The following PPP4R2 variants were observed in gnomAD, a reference collection of about 807,000 sequenced individuals.
PPP4R2 encodes protein phosphatase 4 regulatory subunit 2.
In PPP4R2, 13 loss-of-function variants were observed where a neutral mutation model predicts 47.2. The ratio of observed to expected loss-of-function variants is 0.28; its 90% confidence interval spans 0.18 to 0.44. The LOEUF is 0.44. Ranked by LOEUF, PPP4R2 falls within the 20% of genes least tolerant of loss-of-function variation. PPP4R2 has a pLI of 1.00. For missense variants in PPP4R2, 421 were observed against 491.2 expected, an observed-to-expected ratio of 0.86 and a Z score of 1.35; for synonymous variants, 151 against 163.3, an observed-to-expected ratio of 0.92 and a Z score of 0.57.
intron 2 of PPP4R2, among the ~76,000 whole-genome samples, chr3:73,018,190 A>C (rs557449398): frequency 6.6e-6 from 1 of 152,234 alleles, no homozygotes; most frequent in African/African-American, 2.4e-5. Context: ...ACCCTTACAC[A>C]ACACAGGTTT....
At chr3:73,010,224 TTTG>T (rs1307536597) in intron 2 of PPP4R2, among the ~76,000 whole-genome samples, 2 of 149,470 alleles carry the variant, frequency 1.3e-5, no homozygotes, top group Non-Finnish European at 3.0e-5. Flanking sequence ...AGAAAACTTT[TTTG>T]TTTTGTTTTT....
At chr3:72,998,760 C>T (rs559794504) in intron 2 of PPP4R2, among the ~76,000 whole-genome samples, 25 of 152,146 alleles carry the variant, frequency 1.6e-4, no homozygotes, top group South Asian at 4.2e-4. Context: ...CTGAAACTTA[C>T]GCTATAAAGT....
At chr3:73,004,883 TTGTG>T (rs1286817138) in intron 2 of PPP4R2, among the ~76,000 whole-genome samples, 2 of 125,838 alleles carry the variant, frequency 1.6e-5, no homozygotes, top group Non-Finnish European at 3.3e-5. Flanking sequence ...GTTTGTTTGT[TTGTG>T]TGTGTGTGTT....
chr3:73,050,776 GTTT>G (rs1702595114), intron 3 of PPP4R2, among the ~76,000 whole-genome samples: 1 of 152,018 alleles, frequency 6.6e-6, no homozygotes, highest in African/African-American at 2.4e-5. Context: ...TGAATAATAG[GTTT>G]TTATTTGCCT....
chr3:73,003,430 C>A lies in PPP4R2; in HGVS notation c.116+5272C>A, dbSNP rs915290735. ...GTTTCGCTGTGTTGAACAGGCTGTT[C>A]TCGAACTCCTGGCCTCAAGTGATCC... On this transcript the variant is annotated intron_variant, in intron 2 of 8. Coordinates refer to ENST00000356692, the MANE Select transcript of PPP4R2 (RefSeq NM_174907.4). Among the ~76,000 whole-genome samples, 31 of 152,042 alleles carry A rather than the reference C, an allele frequency of 2.0e-4. 1 individual carries two copies. Among genetic ancestry groups the A allele is most frequent in the African/African-American group, 9.7e-5 (4 of 41,404 alleles).
chr3:73,047,948 C>T (rs1367997621), intron 3 of PPP4R2, among the ~76,000 whole-genome samples: 3 of 152,216 alleles, frequency 2.0e-5, no homozygotes, highest in African/African-American at 7.2e-5. Context: ...GTGATCTTGG[C>T]TCGCTGCAGT....
At chr3:73,025,213 A>G (rs1318689599) in intron 2 of PPP4R2, among the ~76,000 whole-genome samples, 1 of 152,190 alleles carries the variant, frequency 6.6e-6, no homozygotes, top group Non-Finnish European at 1.5e-5. Flanking sequence ...ATATATGTGT[A>G]TACAGTACCT....
intron 2 of PPP4R2, among the ~76,000 whole-genome samples, 164 bp downstream of exon 2, chr3:72,998,322 GCTTA>G (rs532976757): frequency 4.4e-4 from 67 of 152,168 alleles, no homozygotes; most frequent in African/African-American, 9.6e-4. Flanking sequence ...GAACGTATAC[GCTTA>G]CTTACTTTAT....
chr3:73,031,733 T>C (rs1347938323), intron 2 of PPP4R2, among the ~76,000 whole-genome samples: 1 of 152,174 alleles, frequency 6.6e-6, no homozygotes, highest in Non-Finnish European at 1.5e-5. Flanking sequence ...TACTGTGGTC[T>C]AACACAGGTC....
At chr3:73,049,574 C>T (rs1166477052) in intron 3 of PPP4R2, among the ~76,000 whole-genome samples, 7 of 151,946 alleles carry the variant, frequency 4.6e-5, no homozygotes, top group African/African-American at 1.2e-4. Context: ...CATAGTGAGT[C>T]GTCTTTTATT....
chr3:73,020,675 A>AAAAG, intron 2 of PPP4R2, among the ~76,000 whole-genome samples: 1 of 149,994 alleles, frequency 6.7e-6, no homozygotes, highest in Non-Finnish European at 1.5e-5. Flanking sequence ...GTCTCTTTAA[A>AAAAG]AAAAAAAAAA....
chr3:73,066,239 C>CATATATATATATATATAT lies in PPP4R2; in HGVS notation c.*523_*540dup, dbSNP rs148662984. ...TGGAACTTTAAGTCATATATACATACATATATATATATATATATATATAAT... is the reference window on the plus strand; with the variant it reads ...TGGAACTTTAAGTCATATATACATACATATATATATATATATATATATATATATATATATATATATAAT... On this transcript the variant is annotated 3_prime_UTR_variant, in exon 9 of 9. Coordinates refer to ENST00000356692, the MANE Select transcript of PPP4R2 (RefSeq NM_174907.4). 117 of 134,098 alleles carry CATATATATATATATATAT rather than the reference C, an allele frequency of 8.7e-4. No individual in the cohort carries two copies. The highest frequency in any genetic ancestry group is 1.7e-3 in the South Asian group (7 of 4,084). 8.3% of individuals were successfully genotyped at this position (134,098 alleles called of 1,614,324 possible).
At chr3:73,009,015 C>T (rs1370827923) in intron 2 of PPP4R2, among the ~76,000 whole-genome samples, 1 of 152,162 alleles carries the variant, frequency 6.6e-6, no homozygotes, top group Non-Finnish European at 1.5e-5. Flanking sequence ...GTGCTTAATG[C>T]AGCGACAGGC....
chr3:73,062,164 C>G (rs773180356), intron 5 of PPP4R2: 1 of 1,550,672 alleles, frequency 6.4e-7, no homozygotes, highest in Non-Finnish European at 8.7e-7. Flanking sequence ...TACAAAAGAT[C>G]TTTTAGACCT....
At chr3:73,040,290 C>T (rs1702350725) in intron 2 of PPP4R2, among the ~76,000 whole-genome samples, 1 of 152,090 alleles carries the variant, frequency 6.6e-6, no homozygotes, top group Non-Finnish European at 1.5e-5. Context: ...TTACTGATGA[C>T]ACTACAAAGT....
chr3:73,047,449 T>TG (rs1702507665), intron 3 of PPP4R2, 93 bp downstream of exon 3: 94 of 739,974 alleles, frequency 1.3e-4, no homozygotes, highest in Non-Finnish European at 1.7e-4. Flanking sequence ...GATGATTGAT[T>TG]ATCCATTAGA....
chr3:73,018,472 G>A (rs932934162), intron 2 of PPP4R2, among the ~76,000 whole-genome samples: 1 of 77,220 alleles, frequency 1.3e-5, no homozygotes, highest in Non-Finnish European at 2.9e-5. Context: ...GTTAGTATCC[G>A]AAACAGGGTC....
At chr3:73,021,769 C>G (rs1355347981) in intron 2 of PPP4R2, among the ~76,000 whole-genome samples, 2 of 151,236 alleles carry the variant, frequency 1.3e-5, no homozygotes, top group Admixed American at 6.6e-5. Flanking sequence ...CTAGGTATTG[C>G]GGGTGCTGTG....
Position 73,027,909 on chromosome 3 carries a change from C to G in PPP4R2, c.117-19277C>G, listed in dbSNP as rs1436204011. ...CCTCAAACTCCCATGTTAAAAAAAA[C>G]TTTTTTTTTTTTTTATGAGTGAATA... On this transcript the variant is annotated intron_variant, in intron 2 of 8. Coordinates refer to ENST00000356692, the MANE Select transcript of PPP4R2 (RefSeq NM_174907.4). 3.0e-5 allele frequency: 4 copies of G among 131,746 alleles called. No homozygotes were observed. In the Admixed American group the frequency reaches 3.0e-4, roughly 10 times the overall value. The allele number at this position is 131,746 out of a possible 1,614,324, so 8.2% of individuals were successfully genotyped here. A position where few individuals can be genotyped will look rare whatever the true frequency, so the allele number is the denominator to read the frequency against.
Sources: allele counts gnomAD v4.1 joint callset (sites outside exome capture counted in the v4.1 genomes callset), GRCh38; gene constraint gnomAD v4.1.1; transcripts MANE v1.5; gene names NCBI Gene and HGNC (gene_info 2026-07-23, HGNC 2026-07-21).